SDHA: variants seen among roughly 807,000 people sequenced by gnomAD.
SDHA encodes the protein succinate dehydrogenase complex flavoprotein subunit A.
A neutral mutation model predicts 78.4 loss-of-function variants in SDHA; 48 were observed. The ratio of observed to expected loss-of-function variants is 0.61; its 90% CI spans 0.49 to 0.78. SDHA has a LOEUF of 0.78. Among genes scored for constraint, SDHA ranks in the 30% least tolerant of loss-of-function variants. The probability of loss-of-function intolerance (pLI) is 0.00; values close to 1 mark genes in which losing one functional copy is unlikely to be tolerated. For missense variants in SDHA, 680 were observed against 892.7 expected (o/e 0.76, Z 3.04); for synonymous variants, 326 against 353.9 (o/e 0.92, Z 0.88).
At chr5:262,286 G>GCC in the SDHA span, among the ~76,000 whole-genome samples, 1 of 118,934 alleles carries the variant, frequency 8.4e-6, no homozygotes, top group Non-Finnish European at 1.8e-5. Flanking sequence ...TCCGCCTCCC[G>GCC]ACAGAGCATT....
chr5:223,249 G>C (rs181865218), intron 1 of SDHA, among the ~76,000 whole-genome samples: 35 of 152,312 alleles, frequency 2.3e-4, no homozygotes, highest in African/African-American at 7.7e-4. Context: ...CTTCATCCTG[G>C]TTTTCTAGAG....
chr5:240,806 G>C (rs1736091759), intron 11 of SDHA, among the ~76,000 whole-genome samples: 1 of 152,188 alleles, frequency 6.6e-6, no homozygotes, highest in Non-Finnish European at 1.5e-5. Flanking sequence ...CTTCACTTAG[G>C]ATAGTGACCT....
chr5:232,826 C>T (rs895422899), intron 7 of SDHA, among the ~76,000 whole-genome samples: 2 of 152,174 alleles, frequency 1.3e-5, no homozygotes, highest in Admixed American at 1.3e-4. Context: ...TCTCATCGCA[C>T]TGAGGAGTCA....
At chr5:251,153 G>A (rs1736800518) in intron 12 of SDHA, 50 bp downstream of exon 12, 2 of 1,591,666 alleles carry the variant, frequency 1.3e-6, no homozygotes, top group African/African-American at 2.7e-5. Context: ...TCCTTCTGCA[G>A]GGTGGGCTGG....
the SDHA span, among the ~76,000 whole-genome samples, chr5:268,393 AG>A: frequency 6.6e-6 from 1 of 152,064 alleles, no homozygotes; most frequent in East Asian, 1.9e-4. Flanking sequence ...CATGTTAGCC[AG>A]GATGGTCTTG....
intron 1 of SDHA, among the ~76,000 whole-genome samples, chr5:220,832 A>G (rs1460672671): frequency 7.5e-5 from 7 of 93,954 alleles, no homozygotes; most frequent in Non-Finnish European, 1.3e-4. Flanking sequence ...TTTTTTTTTG[A>G]GACAGAGTCT....
chr5:268,151 C>T, the SDHA span, among the ~76,000 whole-genome samples: 1 of 151,690 alleles, frequency 6.6e-6, no homozygotes, highest in Non-Finnish European at 1.5e-5. Flanking sequence ...TCCATTTGTA[C>T]ATTCATATGA....
the SDHA span, among the ~76,000 whole-genome samples, chr5:263,430 A>G: frequency 6.6e-6 from 1 of 152,186 alleles, no homozygotes; most frequent in Admixed American, 6.5e-5. Context: ...TCTGAAAGTC[A>G]CTATGCTGTG....
intron 9 of SDHA, chr5:235,586 C>T: frequency 3.7e-6 from 2 of 545,572 alleles, no homozygotes; most frequent in South Asian, 2.0e-5. Flanking sequence ...TAATTACTTT[C>T]CTATATGATC....
chr5:248,309 C>T (rs1437044981), intron 11 of SDHA, among the ~76,000 whole-genome samples: 1 of 152,168 alleles, frequency 6.6e-6, no homozygotes, highest in Non-Finnish European at 1.5e-5. Flanking sequence ...ATGAGCAACA[C>T]CCGTCGAACA....
chr5:234,418 CAAAAAAAAAAAAAAA>C (rs70955218), intron 8 of SDHA: 3 of 43,820 alleles, frequency 6.8e-5, no homozygotes, highest in Non-Finnish European at 1.1e-4. Flanking sequence ...CACTCTGTCT[CAAAAAAAAAAAAAAA>C]AAAAAAAAAA....
In SDHA at chr5:225,440, G is replaced by A. The variant is rs751114575; in HGVS notation, c.334G>A (p.Gly112Arg). Reference protein sequence around the residue: ...AAQGGINAALGNMEEDNWRWH... With the variant: ...AAQGGINAALRNMEEDNWRWH... ...CCAGGGAGGAATCAATGCTGCTCTG[G>A]GGAACATGGAGGAGGACAACTGGAG... The change falls in exon 4 of 15, where the codon GGG becomes AGG. Residue 112 changes from glycine (G) to arginine (R), a missense_variant. Physicochemically the swap from Gly to Arg is moderately radical, Grantham distance 125. Transcript: ENST00000264932. 1 of 1,612,872 alleles carries A rather than the reference G, an allele frequency of 6.2e-7. No homozygotes were observed. Among genetic ancestry groups the A allele is most frequent in the South Asian group, 1.1e-5 (1 of 91,012 alleles).
rs1060503704 is a variant in SDHA, at chr5:235,187, C to A, written c.1108C>A (p.His370Asn). The change falls in exon 9 of 15, where the codon CAC becomes AAC. Residue 370 changes from histidine (H) to asparagine (N), a missense_variant. By Grantham distance (68) the His-to-Asn change is moderately conservative. Coordinates refer to ENST00000264932, the MANE Select transcript of SDHA (RefSeq NM_004168.4). ...AGATCACGTCTACCTGCAGCTGCAC[C>A]ACCTACCTCCAGAGCAGCTGGCCAC... ...EKDHVYLQLH[H>N]LPPEQLATRL... The A allele has an allele frequency of 7.4e-6, 12 of 1,613,854 alleles. No individual in the cohort carries two copies. Among genetic ancestry groups the A allele is most frequent in the Non-Finnish European group, 1.0e-5 (12 of 1,179,864 alleles).
chr5:233,650 G>C lies in SDHA; in HGVS notation c.1064+5G>C, dbSNP rs200021115. 5.0e-6 allele frequency: 8 copies of C among 1,613,824 alleles called. No homozygotes were observed. The highest frequency in any genetic ancestry group is 1.7e-4 in the Middle Eastern group (1 of 6,054). The stretch of plus-strand genomic sequence containing the variant: ...TCTGGAGATCCGAGAAGGAAGGTGC[G>C]TGTGATTTACCACCAGCACTGTCTG... On this transcript the variant is annotated splice_donor_5th_base_variant and intron_variant, in intron 8 of 14. Transcript: ENST00000264932.
rs1201273590 is a variant in SDHA at position 228,011 on chromosome 5, G to A, written c.622-174G>A. 1.9e-4 allele frequency: 126 copies of A among 670,920 alleles called. 2 individuals are homozygous for A. The highest frequency in any genetic ancestry group is 1.8e-3 in the South Asian group (110 of 61,370). The allele number at this position is 670,920 out of a possible 1,614,324, so 41.6% of individuals were successfully genotyped here. ...CACACCTGCCTTGTCTGTACTGCTC[G>A]GCGTGGAATGCCTCTCGGGCTCTGA... On this transcript the variant is annotated intron_variant, in intron 5 of 14. Coordinates refer to ENST00000264932, the MANE Select transcript of SDHA (RefSeq NM_004168.4).
intron 11 of SDHA, among the ~76,000 whole-genome samples, chr5:241,587 A>G (rs781202279): frequency 2.0e-5 from 3 of 152,220 alleles, no homozygotes; most frequent in East Asian, 1.9e-4. Flanking sequence ...AACCTGATAC[A>G]TGGTCAGTCT....
rs35464369 is a variant in SDHA, at chr5:225,594, G to C, written c.456+32G>C. The C allele has an allele frequency of 4.3e-6, 7 of 1,613,652 alleles. No individual in the cohort carries two copies. The Admixed American group carries it at 1.2e-4, about 27-fold the overall frequency. ...GGCGGGAGGCTCTGGGTGTTCTCGT[G>C]GTCTGTTTCTAGTACAAAAGAATCC... On this transcript the variant is annotated intron_variant, in intron 4 of 14. Coordinates refer to ENST00000264932, the MANE Select transcript of SDHA (RefSeq NM_004168.4).
Position 251,449 on chromosome 5 carries a change from A to C in SDHA, c.1775A>C (p.His592Pro). 1 of 1,613,988 alleles carries C rather than the reference A, an allele frequency of 6.2e-7. No homozygotes were observed. The highest frequency in any genetic ancestry group is 8.5e-7 in the Non-Finnish European group (1 of 1,179,864). The change falls in exon 13 of 15, where the codon CAT becomes CCT. Residue 592 changes from histidine (H) to proline (P), a missense_variant. Physicochemically the swap from His to Pro is moderately conservative, Grantham distance 77 (BLOSUM62 -2). Transcript: ENST00000264932. ...GCACGGAAGGAGTCACGGGGCGCGC[A>C]TGCCAGGGAAGACTACAAGGTGGGC... Reference protein sequence around the residue: ...AEARKESRGAHAREDYKVRID... With the variant: ...AEARKESRGAPAREDYKVRID...
intron 13 of SDHA, among the ~76,000 whole-genome samples, chr5:253,988 C>T (rs1024317230): frequency 6.6e-6 from 1 of 151,848 alleles, no homozygotes; most frequent in African/African-American, 2.4e-5. Context: ...CTCCGGCAAG[C>T]TGTGATCACA....
Sources: allele counts gnomAD v4.1 joint callset (sites outside exome capture counted in the v4.1 genomes callset), GRCh38; gene constraint gnomAD v4.1.1; transcripts MANE v1.5; gene names NCBI Gene and HGNC (gene_info 2026-07-23, HGNC 2026-07-21).